SENP6: variants seen among roughly 807,000 people sequenced by gnomAD.
The protein encoded by SENP6 is sentrin-specific protease 6.
A neutral mutation model predicts 134.5 loss-of-function variants in SENP6; 41 were observed. The observed-to-expected ratio is 0.30, with a 90% CI of 0.24 to 0.40. SENP6 has a LOEUF of 0.40. Among genes scored for constraint, SENP6 ranks in the 10% least tolerant of loss-of-function variants. The pLI, the probability that SENP6 is intolerant of heterozygous loss-of-function variation, is 1.00. For synonymous variants in SENP6, 395 were observed against 429.8 expected, an observed-to-expected ratio of 0.92 and a Z score of 1.00; for missense variants, 1,248 against 1,312.5, an observed-to-expected ratio of 0.95 and a Z score of 0.76.
chr6:75,701,365 GTATCA>G (rs1225840027), intron 18 of SENP6, among the ~76,000 whole-genome samples: 1 of 152,102 alleles, frequency 6.6e-6, no homozygotes, highest in Non-Finnish European at 1.5e-5. Flanking sequence ...GAATTCAGCT[GTATCA>G]TAAGCACCTA....
intron 16 of SENP6, among the ~76,000 whole-genome samples, chr6:75,692,562 G>T (rs1419482438): frequency 2.0e-5 from 3 of 152,140 alleles, no homozygotes; most frequent in Admixed American, 1.3e-4. Context: ...GGAGTTTGAG[G>T]TTGCAGTGAG....
chr6:75,632,845 A>T (rs1167001170), intron 3 of SENP6, among the ~76,000 whole-genome samples: 2 of 152,198 alleles, frequency 1.3e-5, no homozygotes, highest in Non-Finnish European at 1.5e-5. Flanking sequence ...CCTCCCAGTA[A>T]TTTGATGTAG....
rs906017283 is a variant in SENP6 at position 75,644,800 on chromosome 6, C to T, written c.480-2931C>T. Among the ~76,000 whole-genome samples, 4 of 152,194 alleles carry T rather than the reference C, an allele frequency of 2.6e-5. No individual in the cohort carries two copies. In the East Asian group the frequency reaches 7.7e-4, roughly 29 times the overall value. The stretch of plus-strand genomic sequence containing the variant: ...TTGCCCAGCCGGTAAATTTCTAAGG[C>T]TAGAATTTAGTTCGTAATAGTGTAC... On this transcript the variant is annotated intron_variant, in intron 6 of 23. Coordinates refer to ENST00000447266, the MANE Select transcript of SENP6 (RefSeq NM_015571.4).
At chr6:75,673,448 T>G (rs890225875) in intron 11 of SENP6, among the ~76,000 whole-genome samples, 4 of 151,184 alleles carry the variant, frequency 2.6e-5, no homozygotes, top group African/African-American at 7.3e-5. Flanking sequence ...CTCAGCCTCT[T>G]GAGTAGCTGA....
intron 16 of SENP6, among the ~76,000 whole-genome samples, chr6:75,692,986 G>C (rs1349571232): frequency 6.6e-6 from 1 of 152,170 alleles, no homozygotes; most frequent in Admixed American, 6.5e-5. Context: ...TAAGAGGATG[G>C]CTTCAGCCCA....
chr6:75,689,525 A>T (rs1216100843), intron 16 of SENP6, among the ~76,000 whole-genome samples: 1 of 152,206 alleles, frequency 6.6e-6, no homozygotes, highest in African/African-American at 2.4e-5. Context: ...TCCTCAAAAA[A>T]TTTGAAATAG....
chr6:75,698,991 GCAGAGT>G (rs1774839841), intron 18 of SENP6, among the ~76,000 whole-genome samples: 1 of 148,090 alleles, frequency 6.8e-6, no homozygotes, highest in Non-Finnish European at 1.5e-5. Context: ...AGCCTGGGCA[GCAGAGT>G]GAGACTCCAT....
Position 75,717,644 on chromosome 6 carries a change from T to G in SENP6, c.*2050T>G, listed in dbSNP as rs2149911808. On this transcript the variant is annotated 3_prime_UTR_variant, in exon 24 of 24. Coordinates refer to ENST00000447266, the MANE Select transcript of SENP6 (RefSeq NM_015571.4). Reference sequence around the variant, plus strand: ...TGAGAATCTTTCGTGTATATGCACATTCACTTGATAATTGTGTATTCTATG... The same window carrying G: ...TGAGAATCTTTCGTGTATATGCACAGTCACTTGATAATTGTGTATTCTATG... 1 of 152,280 alleles carries G rather than the reference T, an allele frequency of 6.6e-6. No homozygotes were observed. Among genetic ancestry groups the G allele is most frequent in the East Asian group, 1.9e-4 (1 of 5,194 alleles). The allele number at this position is 152,280 out of a possible 1,614,324, so 9.4% of individuals were successfully genotyped here. A position where few individuals can be genotyped will look rare whatever the true frequency, so the allele number is the denominator to read the frequency against.
intron 11 of SENP6, among the ~76,000 whole-genome samples, chr6:75,672,451 A>G (rs1284540277): frequency 6.6e-6 from 1 of 152,244 alleles, no homozygotes; most frequent in East Asian, 1.9e-4. Context: ...AAAATGTGTC[A>G]GTTTAAAAAA....
At chr6:75,652,698 A>AG (rs1280263810) in intron 7 of SENP6, among the ~76,000 whole-genome samples, 58 of 148,714 alleles carry the variant, frequency 3.9e-4, no homozygotes, top group African/African-American at 1.4e-3. Context: ...AAAAAAAAAA[A>AG]AAAAAGAAAA....
chr6:75,609,613 CAT>C (rs776928716), intron 1 of SENP6, among the ~76,000 whole-genome samples: 1 of 152,134 alleles, frequency 6.6e-6, no homozygotes, highest in Non-Finnish European at 1.5e-5. Flanking sequence ...TTTCAACAGT[CAT>C]GTGGTATTTT....
intron 3 of SENP6, among the ~76,000 whole-genome samples, chr6:75,624,252 A>T (rs1269136890): frequency 1.3e-5 from 2 of 152,198 alleles, no homozygotes; most frequent in African/African-American, 2.4e-5. Flanking sequence ...GAGTTCATAA[A>T]AAGCACCTCA....
rs116880189 is a variant in SENP6 at position 75,641,259 on chromosome 6, T to C, written c.479+555T>C. Reference sequence around the variant, plus strand: ...AATGTACATTTTTCTATAATGGTTATATATATTTATGCTAATAAGTGACTC... The same window carrying C: ...AATGTACATTTTTCTATAATGGTTACATATATTTATGCTAATAAGTGACTC... On this transcript the variant is annotated intron_variant, in intron 6 of 23. Coordinates refer to ENST00000447266, the MANE Select transcript of SENP6 (RefSeq NM_015571.4). Among the ~76,000 whole-genome samples, 1,148 of 152,314 alleles carry C rather than the reference T, an allele frequency of 7.5e-3. 7 individuals carry two copies. Among genetic ancestry groups the C allele is most frequent in the South Asian group, 0.011 (54 of 4,828 alleles).
At chr6:75,701,252 G>A (rs1047261166) in intron 18 of SENP6, among the ~76,000 whole-genome samples, 2 of 152,108 alleles carry the variant, frequency 1.3e-5, no homozygotes, top group Non-Finnish European at 2.9e-5. Context: ...CCTGTTCCTT[G>A]TATCCCAGCA....
intron 8 of SENP6, among the ~76,000 whole-genome samples, chr6:75,662,009 G>C (rs981464214): frequency 6.6e-6 from 1 of 152,054 alleles, no homozygotes; most frequent in African/African-American, 2.4e-5. Context: ...CCAAGATTGC[G>C]CCATTGCACT....
intron 21 of SENP6, among the ~76,000 whole-genome samples, chr6:75,712,472 T>G (rs1359562570): frequency 6.6e-6 from 1 of 151,528 alleles, no homozygotes; most frequent in East Asian, 1.9e-4. Flanking sequence ...AGGCCAGGAG[T>G]GCAAGACCAG....
At chr6:75,654,685 A>G (rs1275588350) in intron 7 of SENP6, among the ~76,000 whole-genome samples, 1 of 152,226 alleles carries the variant, frequency 6.6e-6, no homozygotes, top group African/African-American at 2.4e-5. Flanking sequence ...TATAAAGATA[A>G]CAGTTTGTAT....
chr6:75,631,213 TATC>T (rs1769091244), intron 3 of SENP6, among the ~76,000 whole-genome samples: 1 of 152,188 alleles, frequency 6.6e-6, no homozygotes, highest in Non-Finnish European at 1.5e-5. Flanking sequence ...GTTCTCTTAT[TATC>T]TGATATTCTT....
intron 14 of SENP6, 174 bp from the exon 15 acceptor site, chr6:75,678,409 A>G (rs569670148): frequency 1.9e-6 from 1 of 530,232 alleles, no homozygotes; most frequent in Admixed American, 3.9e-5. Context: ...ATAATAAGAA[A>G]GTGGCCCCTA....
Sources: allele counts gnomAD v4.1 joint callset (sites outside exome capture counted in the v4.1 genomes callset), GRCh38; gene constraint gnomAD v4.1.1; transcripts MANE v1.5; gene names NCBI Gene and HGNC (gene_info 2026-07-23, HGNC 2026-07-21).